The following TNPO3 variants were observed in gnomAD, a reference collection of about 807,000 sequenced individuals.
TNPO3 encodes the protein transportin-3.
In TNPO3, 65 loss-of-function variants were observed where a neutral mutation model predicts 122.8. The observed-to-expected ratio is 0.53, with a 90% CI of 0.43 to 0.65. TNPO3 has a LOEUF of 0.65. Ranked by LOEUF, TNPO3 falls within the 30% of genes least tolerant of loss-of-function variation. TNPO3 has a pLI of 0.00. For synonymous variants in TNPO3, 372 were observed against 411.2 expected (o/e 0.90, Z 1.15); for missense variants, 850 against 1,136.7 (o/e 0.75, Z 3.63).
Position 128,992,403 on chromosome 7 carries a change from A to G in TNPO3, c.1267-313T>C, listed in dbSNP as rs796130017. ...CTTTTCCTGGTCCTGATAATAACTG[A>G]TAAATACATAAACACACTTAAAATA... On this transcript the variant is annotated intron_variant, in intron 9 of 22. Coordinates refer to ENST00000265388, the MANE Select transcript of TNPO3 (RefSeq NM_012470.4). Among the ~76,000 whole-genome samples, 7 of 152,292 alleles carry G rather than the reference A, an allele frequency of 4.6e-5. No homozygotes were observed. In the South Asian group the frequency reaches 8.3e-4, roughly 18 times the overall value.
At chr7:129,053,330 GAA>G (rs780588492) in intron 1 of TNPO3, among the ~76,000 whole-genome samples, 10 of 124,822 alleles carry the variant, frequency 8.0e-5, no homozygotes, top group Non-Finnish European at 1.2e-4. Context: ...TCTGTCTCAA[GAA>G]AAAAAAAAAA....
At chr7:129,013,283 G>C (rs1472332428) in intron 4 of TNPO3, among the ~76,000 whole-genome samples, 1 of 151,950 alleles carries the variant, frequency 6.6e-6, no homozygotes, top group Non-Finnish European at 1.5e-5. Flanking sequence ...AGCAAAAAAA[G>C]TCGACAAAGG....
intron 8 of TNPO3, among the ~76,000 whole-genome samples, chr7:128,995,330 T>C (rs1801192697): frequency 6.6e-6 from 1 of 152,188 alleles, no homozygotes; most frequent in South Asian, 2.1e-4. Flanking sequence ...GTAAACAGAG[T>C]TACCAATTAT....
chr7:129,026,943 T>C (rs915880538), intron 1 of TNPO3, among the ~76,000 whole-genome samples: 37 of 151,992 alleles, frequency 2.4e-4, no homozygotes, highest in African/African-American at 8.9e-4. Context: ...CAGGCATACA[T>C]CACGGCACCC....
intron 16 of TNPO3, among the ~76,000 whole-genome samples, chr7:128,977,453 T>C (rs1228089171): frequency 2.6e-5 from 4 of 152,220 alleles, no homozygotes; most frequent in Non-Finnish European, 1.5e-5. Context: ...TGTTGAAATA[T>C]TTACCTGTAC....
intron 1 of TNPO3, chr7:129,029,392 C>T (rs901863200): frequency 6.5e-6 from 1 of 152,812 alleles, no homozygotes; most frequent in Non-Finnish European, 1.5e-5. Flanking sequence ...CAGCAGGCTT[C>T]TTTTGGAATG....
intron 17 of TNPO3, 107 bp from the exon 18 acceptor site, chr7:128,975,069 A>G (rs1798920193): frequency 1.2e-6 from 1 of 819,080 alleles, no homozygotes; most frequent in African/African-American, 1.7e-5. Flanking sequence ...AAAGAAGAAA[A>G]GCACAGCTGG....
chr7:129,016,982 C>T lies in TNPO3; in HGVS notation c.395+1G>A. The T allele has an allele frequency of 6.2e-7, 1 of 1,613,078 alleles. No homozygotes were observed. The highest frequency in any genetic ancestry group is 1.3e-5 in the African/African-American group (1 of 75,034). The stretch of plus-strand genomic sequence containing the variant: ...ATATAGAGTCAATACAAATTACTTA[C>T]TTTTCCACCAGTGTTTGCACACATC... On this transcript the variant is annotated splice_donor_variant, in intron 3 of 22. Transcript: ENST00000265388. LOFTEE classifies it high-confidence loss of function.
At chr7:128,976,777 G>A (rs746053362) in intron 16 of TNPO3, among the ~76,000 whole-genome samples, 7 of 152,172 alleles carry the variant, frequency 4.6e-5, no homozygotes, top group Non-Finnish European at 1.0e-4. Context: ...TCAACTCTAT[G>A]AACTTGGGAC....
intron 5 of TNPO3, among the ~76,000 whole-genome samples, chr7:129,002,094 C>G (rs780421296): frequency 6.6e-6 from 1 of 152,162 alleles, no homozygotes; most frequent in Non-Finnish European, 1.5e-5. Flanking sequence ...AACAATGATG[C>G]ATGCTAGTAA....
In TNPO3 at chr7:128,971,812, T is replaced by C. The variant is rs145777541; in HGVS notation, c.2430+614A>G. Among the ~76,000 whole-genome samples, 249 of 152,314 alleles carry C rather than the reference T, an allele frequency of 1.6e-3. 5 individuals carry two copies. In the East Asian group the frequency reaches 0.039, roughly 24 times the overall value. On this transcript the variant is annotated intron_variant, in intron 19 of 22. Transcript: ENST00000265388. ...TAATTCATGGCTTCATTTAAATCCC[T>C]CCCCTTCCATAAAGTTATTCCAACT...
At chr7:128,997,241 C>T (rs539873383) in intron 8 of TNPO3, 148 bp downstream of exon 8, 5 of 684,314 alleles carry the variant, frequency 7.3e-6, no homozygotes, top group Non-Finnish European at 7.1e-6. Flanking sequence ...TCTAACGATT[C>T]ATCTGCCTTG....
chr7:129,046,865 A>T (rs972662962), intron 1 of TNPO3, among the ~76,000 whole-genome samples: 7 of 152,180 alleles, frequency 4.6e-5, no homozygotes, highest in South Asian at 2.1e-4. Flanking sequence ...AGACTTATTC[A>T]CTACCACAAG....
intron 16 of TNPO3, among the ~76,000 whole-genome samples, chr7:128,978,041 G>A (rs1314512138): frequency 4.6e-5 from 7 of 151,460 alleles, no homozygotes; most frequent in Admixed American, 4.6e-4. Context: ...CACAGCATGG[G>A]TACAAAATTT....
chr7:128,957,794 T>G (rs892050860), intron 21 of TNPO3, among the ~76,000 whole-genome samples: 8 of 152,202 alleles, frequency 5.3e-5, no homozygotes, highest in African/African-American at 1.9e-4. Context: ...AAGATAGATT[T>G]TGTTTACAAA....
At chr7:129,010,584 C>T (rs1010098882) in intron 4 of TNPO3, among the ~76,000 whole-genome samples, 1 of 152,140 alleles carries the variant, frequency 6.6e-6, no homozygotes, top group Non-Finnish European at 1.5e-5. Context: ...ACACAAACTA[C>T]ATTATATTAC....
intron 1 of TNPO3, among the ~76,000 whole-genome samples, chr7:129,039,114 T>A: frequency 6.6e-6 from 1 of 152,176 alleles, no homozygotes; most frequent in Non-Finnish European, 1.5e-5. Flanking sequence ...AGATATCACT[T>A]CATACCCACC....
chr7:129,020,086 T>C (rs1468469641), intron 1 of TNPO3, among the ~76,000 whole-genome samples: 4 of 152,096 alleles, frequency 2.6e-5, no homozygotes, highest in Non-Finnish European at 4.4e-5. Flanking sequence ...GAGGATCACT[T>C]GAGCCCAAGC....
At chr7:128,964,893 AAAAG>A (rs551449346) in intron 21 of TNPO3, among the ~76,000 whole-genome samples, 100 of 152,320 alleles carry the variant, frequency 6.6e-4, no homozygotes, top group Non-Finnish European at 1.0e-4. Flanking sequence ...ATCCACAAGC[AAAAG>A]AAAGAGGCTG....
Sources: allele counts gnomAD v4.1 joint callset (sites outside exome capture counted in the v4.1 genomes callset), GRCh38; gene constraint gnomAD v4.1.1; transcripts MANE v1.5; gene names NCBI Gene and HGNC (gene_info 2026-07-23, HGNC 2026-07-21).